The following LRP1B variants were observed in gnomAD, a reference collection of about 807,000 sequenced individuals.
The protein encoded by LRP1B is LDL receptor related protein 1B.
In LRP1B, 217 loss-of-function variants were observed where a neutral mutation model predicts 556.6. The observed-to-expected ratio is 0.39, with a 90% confidence interval of 0.35 to 0.44. LRP1B has a LOEUF of 0.44. Ranked by LOEUF, LRP1B falls within the 20% of genes least tolerant of loss-of-function variation. The pLI is 1.00. For missense variants in LRP1B, 5,053 were observed against 5,620.8 expected (o/e 0.90, Z 3.23); for synonymous variants, 2,047 against 1,865.8 (o/e 1.10, Z -2.50).
At chr2:140,709,917 G>A (rs903681779) in intron 37 of LRP1B, among the ~76,000 whole-genome samples, 1 of 151,080 alleles carries the variant, frequency 6.6e-6, no homozygotes, top group African/African-American at 2.4e-5. Context: ...AGTGTAGGGA[G>A]ACATACATCT....
At chr2:141,460,827 T>C (rs1361405696) in intron 3 of LRP1B, among the ~76,000 whole-genome samples, 1 of 152,074 alleles carries the variant, frequency 6.6e-6, no homozygotes, top group African/African-American at 2.4e-5. Flanking sequence ...GGGATCTCTG[T>C]AATGTTTTTA....
chr2:140,324,885 T>TC (rs1309255621), intron 80 of LRP1B, among the ~76,000 whole-genome samples: 5 of 135,264 alleles, frequency 3.7e-5, no homozygotes, highest in African/African-American at 1.4e-4. Flanking sequence ...TTTTTTTTTT[T>TC]CCATCTGAGG....
chr2:140,615,268 A>G (rs933469504), intron 41 of LRP1B, among the ~76,000 whole-genome samples: 1 of 152,116 alleles, frequency 6.6e-6, no homozygotes, highest in Admixed American at 6.6e-5. Flanking sequence ...GACTCAGTGT[A>G]AAAAGACAGC....
At chr2:141,856,969 T>C (rs576316819) in intron 1 of LRP1B, among the ~76,000 whole-genome samples, 1 of 151,518 alleles carries the variant, frequency 6.6e-6, no homozygotes, top group African/African-American at 2.4e-5. Flanking sequence ...GCTGGTTGTG[T>C]GGCCTGGACT....
At chr2:141,643,268 A>G (rs555395368) in intron 2 of LRP1B, among the ~76,000 whole-genome samples, 1 of 151,976 alleles carries the variant, frequency 6.6e-6, no homozygotes, top group Non-Finnish European at 1.5e-5. Flanking sequence ...TAATTAAGGT[A>G]ACAGAAGCAC....
chr2:140,783,319 T>C (rs1270054313), intron 32 of LRP1B, among the ~76,000 whole-genome samples: 1 of 152,124 alleles, frequency 6.6e-6, no homozygotes, highest in Admixed American at 6.5e-5. Flanking sequence ...ATAGAAAATA[T>C]ACCTAGTTAC....
chr2:140,326,941 T>C (rs1193845152), intron 79 of LRP1B, among the ~76,000 whole-genome samples: 1 of 152,150 alleles, frequency 6.6e-6, no homozygotes, highest in East Asian at 1.9e-4. Flanking sequence ...AGAAATATCA[T>C]CAACACAGAG....
At position 141,544,405 on chromosome 2, in the gene LRP1B, C is replaced by CCTCCTCCTT. The variant is rs1372107441; in HGVS notation, c.206-63881_206-63873dup. The stretch of plus-strand genomic sequence containing the variant: ...TTCTCCTCCTCCTCCTCCTCCTCCT[C>CCTCCTCCTT]CTCCTCCTTCTCCTCCTTCTCCTCC... On this transcript the variant is annotated intron_variant, in intron 2 of 90. Coordinates refer to ENST00000389484, the MANE Select transcript of LRP1B (RefSeq NM_018557.3). 3.2e-4 allele frequency among the ~76,000 whole-genome samples: 21 copies of CCTCCTCCTT among 65,926 alleles called. No individual in the cohort carries two copies. In the South Asian group the frequency reaches 1.0e-2, roughly 31 times the overall value. The allele number at this position is 65,926 out of a possible 152,430, so 43.3% of individuals were successfully genotyped here.
intron 65 of LRP1B, 27 bp downstream of exon 65, chr2:140,444,303 A>C (rs1462730485): frequency 9.3e-6 from 15 of 1,613,122 alleles, no homozygotes; most frequent in Non-Finnish European, 1.3e-5. Context: ...AAGTTAAGAC[A>C]AGACAGAGTA....
intron 35 of LRP1B, among the ~76,000 whole-genome samples, chr2:140,727,588 T>A (rs546874130): frequency 1.6e-4 from 25 of 152,284 alleles, no homozygotes; most frequent in East Asian, 9.6e-4. Flanking sequence ...TGTGCAAGAA[T>A]AATTTACTGA....
intron 41 of LRP1B, among the ~76,000 whole-genome samples, chr2:140,687,233 A>G (rs936298055): frequency 1.3e-5 from 2 of 152,172 alleles, no homozygotes; most frequent in Non-Finnish European, 2.9e-5. Context: ...CATGGGATGT[A>G]GTTACAGGAG....
chr2:142,000,369 G>A (rs1398122029), intron 1 of LRP1B, among the ~76,000 whole-genome samples: 1 of 152,146 alleles, frequency 6.6e-6, no homozygotes, highest in African/African-American at 2.4e-5. Context: ...ATGTAATTGA[G>A]CCACACTGGG....
chr2:141,897,358 T>G (rs1699484005), intron 1 of LRP1B, among the ~76,000 whole-genome samples: 1 of 152,188 alleles, frequency 6.6e-6, no homozygotes, highest in African/African-American at 2.4e-5. Flanking sequence ...AATTGACTGT[T>G]CACACAAAAA....
chr2:141,878,146 T>A lies in LRP1B; in HGVS notation c.83-67745A>T, dbSNP rs548676063. On this transcript the variant is annotated intron_variant, in intron 1 of 90. Coordinates refer to ENST00000389484, the MANE Select transcript of LRP1B (RefSeq NM_018557.3). ...CTTCTTAAAACATAGAAAGACTTTT[T>A]TTTTCCTTTTCCTCACATCTCTTCA... Among the ~76,000 whole-genome samples, 12 of 152,090 alleles carry A rather than the reference T, an allele frequency of 7.9e-5. No individual in the cohort carries two copies. In the South Asian group the frequency reaches 2.5e-3, roughly 32 times the overall value.
chr2:141,797,808 A>G (rs532030358), intron 2 of LRP1B, among the ~76,000 whole-genome samples: 17 of 152,334 alleles, frequency 1.1e-4, no homozygotes, highest in African/African-American at 3.6e-4. Flanking sequence ...AACTTACGGC[A>G]TATTATTGGG....
At chr2:140,506,447 T>C (rs150870671) in intron 53 of LRP1B, among the ~76,000 whole-genome samples, 119 of 152,222 alleles carry the variant, frequency 7.8e-4, no homozygotes, top group African/African-American at 2.8e-3. Flanking sequence ...TTTCCCCATG[T>C]TGGCCAGGCT....
chr2:141,315,404 C>T (rs190872397), intron 3 of LRP1B, among the ~76,000 whole-genome samples: 79 of 151,102 alleles, frequency 5.2e-4, no homozygotes, highest in African/African-American at 1.7e-3. Context: ...GGACTACAAA[C>T]GCCTGCCACC....
At chr2:140,825,093 CA>C (rs1691457643) in intron 31 of LRP1B, among the ~76,000 whole-genome samples, 1 of 152,152 alleles carries the variant, frequency 6.6e-6, no homozygotes, top group South Asian at 2.1e-4. Flanking sequence ...AAGTAAAATA[CA>C]GTCCTAAAAG....
chr2:141,384,826 T>A (rs1689769783), intron 3 of LRP1B, among the ~76,000 whole-genome samples: 1 of 152,186 alleles, frequency 6.6e-6, no homozygotes, highest in Non-Finnish European at 1.5e-5. Context: ...ACCACTGCTA[T>A]GTATCTTATT....
Sources: allele counts gnomAD v4.1 joint callset (sites outside exome capture counted in the v4.1 genomes callset), GRCh38; gene constraint gnomAD v4.1.1; transcripts MANE v1.5; gene names NCBI Gene and HGNC (gene_info 2026-07-23, HGNC 2026-07-21).